Variants in STK32B observed in about 807,000 individuals in gnomAD.
STK32B encodes serine/threonine kinase 32B.
A neutral mutation model predicts 52.6 loss-of-function variants in STK32B; 43 were observed. The ratio of observed to expected loss-of-function variants is 0.82; its 90% CI spans 0.64 to 1.05. The LOEUF (loss-of-function observed/expected upper bound fraction) is 1.05, where lower values mean the gene tolerates loss of function less well. Among genes scored for constraint, STK32B ranks in the 50% least tolerant of loss-of-function variants. The pLI is 0.00. For missense variants in STK32B, 621 were observed against 534.6 expected (o/e 1.16, Z -1.59); for synonymous variants, 238 against 204.3 (o/e 1.17, Z -1.41).
At chr4:5,213,839 T>C (rs1352539226) in intron 3 of STK32B, among the ~76,000 whole-genome samples, 1 of 152,198 alleles carries the variant, frequency 6.6e-6, no homozygotes, top group Non-Finnish European at 1.5e-5. Context: ...TACTTTATGG[T>C]GACTTTTGGT....
At chr4:5,404,703 C>A (rs1414972427) in intron 5 of STK32B, among the ~76,000 whole-genome samples, 1 of 151,770 alleles carries the variant, frequency 6.6e-6, no homozygotes, top group African/African-American at 2.4e-5. Context: ...TCGCTCCGGG[C>A]CCATAACACT....
intron 2 of STK32B, among the ~76,000 whole-genome samples, chr4:5,147,511 G>A (rs1167483797): frequency 6.6e-6 from 1 of 151,914 alleles, no homozygotes; most frequent in East Asian, 1.9e-4. Flanking sequence ...TTAATTTTAG[G>A]GGAAAAAGTG....
At position 5,401,640 on chromosome 4, in the gene STK32B, A is replaced by G. The variant is rs144019064; in HGVS notation, c.472+3396A>G. On this transcript the variant is annotated intron_variant, in intron 5 of 11. Coordinates refer to ENST00000282908, the MANE Select transcript of STK32B (RefSeq NM_018401.3). ...ACGCATTGAGGTAAAATAGAGTGAA[A>G]GAAGATACAGCATCTCAGAACAAGG... Among the ~76,000 whole-genome samples the G allele has an allele frequency of 3.9e-5, 6 of 152,354 alleles. No individual in the cohort carries two copies. In the East Asian group the frequency reaches 1.2e-3, roughly 29 times the overall value.
chr4:5,468,679 G>C (rs1717623900), intron 11 of STK32B, among the ~76,000 whole-genome samples: 1 of 152,310 alleles, frequency 6.6e-6, no homozygotes, highest in South Asian at 2.1e-4. Flanking sequence ...GGAGGGGCTA[G>C]GTGGGGTGTG....
chr4:5,333,256 G>T (rs938506488), intron 4 of STK32B, among the ~76,000 whole-genome samples: 1 of 151,860 alleles, frequency 6.6e-6, no homozygotes, highest in African/African-American at 2.4e-5. Context: ...GTGATGGTGA[G>T]CATTTGGCTG....
In STK32B at chr4:5,465,792, CCTT is replaced by C. The variant is rs564072626; in HGVS notation, c.910-907_910-905del. ...CCTCAAGGCTGTGCCTCGCCTCTCT[CCTT>C]CTTGGCCAGGTCACAGCAGGCCCAG... is the stretch of plus-strand genomic sequence containing the variant. On this transcript the variant is annotated intron_variant, in intron 9 of 11. Transcript: ENST00000282908. 2.2e-3 allele frequency among the ~76,000 whole-genome samples: 338 copies of C among 152,302 alleles called. 2 individuals carry two copies. Among genetic ancestry groups the C allele is most frequent in the Non-Finnish European group, 1.6e-3 (110 of 68,026 alleles).
chr4:5,102,803 A>C, intron 1 of STK32B, among the ~76,000 whole-genome samples: 3 of 144,082 alleles, frequency 2.1e-5, no homozygotes, highest in South Asian at 2.4e-4. Context: ...TCAGCCTCCC[A>C]AAGTGCTGGG....
intron 3 of STK32B, among the ~76,000 whole-genome samples, chr4:5,296,382 A>G (rs1370566200): frequency 6.6e-6 from 1 of 152,102 alleles, no homozygotes; most frequent in East Asian, 1.9e-4. Flanking sequence ...TTCCACTGTT[A>G]TTGTGTGGGA....
intron 5 of STK32B, 130 bp from the exon 6 acceptor site, chr4:5,416,715 A>G (rs1436755499): frequency 3.1e-6 from 2 of 640,304 alleles, no homozygotes; most frequent in African/African-American, 1.8e-5. Context: ...TTAAAGTATC[A>G]GATACGATAG....
chr4:5,496,078 A>G (rs376153291), intron 11 of STK32B, among the ~76,000 whole-genome samples: 19 of 152,332 alleles, frequency 1.2e-4, no homozygotes, highest in East Asian at 7.7e-4. Context: ...CTCCAGCTGC[A>G]TGCTGGGAGA....
In STK32B at chr4:5,469,045, C is replaced by A. The variant is rs539525757; in HGVS notation, c.1106+975C>A. Among the ~76,000 whole-genome samples, 45 of 125,592 alleles carry A rather than the reference C, an allele frequency of 3.6e-4. No homozygotes were observed. Among genetic ancestry groups the A allele is most frequent in the African/African-American group, 1.4e-3 (43 of 31,058 alleles). 82.4% of individuals were successfully genotyped at this position (125,592 alleles called of 152,430 possible). A position where few individuals can be genotyped will look rare whatever the true frequency, so the allele number is the denominator to read the frequency against. On this transcript the variant is annotated intron_variant, in intron 11 of 11. Transcript: ENST00000282908. The surrounding 1 kb of genome is among the most constrained non-coding windows in gnomAD (Gnocchi z 4.7). ...CAGCCTGGGCGACAGAGCAAGACTC[C>A]GTCTCAAAAAAAAAAAAAAAAATTA... is the stretch of plus-strand genomic sequence containing the variant.
chr4:5,205,737 T>C (rs1378368809), intron 3 of STK32B, among the ~76,000 whole-genome samples: 2 of 151,190 alleles, frequency 1.3e-5, no homozygotes, highest in Non-Finnish European at 1.5e-5. Context: ...TGTGTGCATT[T>C]AGGATTGTTT....
chr4:5,168,476 C>T (rs1357898163), intron 3 of STK32B, 26 bp downstream of exon 3: 2 of 1,598,242 alleles, frequency 1.3e-6, no homozygotes, highest in Admixed American at 1.7e-5. Context: ...TCCAGGGCTC[C>T]TGTGGGTTCC....
rs543325340 is a variant in STK32B, at chr4:5,094,418, C to T, written c.52+42503C>T. On this transcript the variant is annotated intron_variant, in intron 1 of 11. Transcript: ENST00000282908. ...CTGTAATCCTAGCATTTTGAGAGGC[C>T]TAGGTGGGAGGATTGTTTGAGCCCA... Among the ~76,000 whole-genome samples, 17 of 152,184 alleles carry T rather than the reference C, an allele frequency of 1.1e-4. No individual in the cohort carries two copies. The South Asian group carries it at 2.5e-3, about 22-fold the overall frequency.
intron 3 of STK32B, among the ~76,000 whole-genome samples, chr4:5,245,309 A>G (rs1725358128): frequency 6.6e-6 from 1 of 152,164 alleles, no homozygotes; most frequent in African/African-American, 2.4e-5. Context: ...TTCGTGTTGA[A>G]TTGATCCCTT....
rs1719765011 is a variant in STK32B, at chr4:5,491,893, A to T, written c.1107-7052A>T. 6.6e-5 allele frequency among the ~76,000 whole-genome samples: 10 copies of T among 152,252 alleles called. No individual in the cohort carries two copies. In the South Asian group the frequency reaches 2.1e-3, roughly 32 times the overall value. ...TGTCAAAGATCAGATGGTTGTAGAT[A>T]TGCGGAGTTATTTCTGAGGGCTCTG... is the stretch of plus-strand genomic sequence containing the variant. On this transcript the variant is annotated intron_variant, in intron 11 of 11. Coordinates refer to ENST00000282908, the MANE Select transcript of STK32B (RefSeq NM_018401.3).
intron 6 of STK32B, among the ~76,000 whole-genome samples, chr4:5,421,696 G>T (rs903769837): frequency 2.6e-5 from 4 of 152,214 alleles, no homozygotes; most frequent in Non-Finnish European, 4.4e-5. Flanking sequence ...GGAAAGCAGA[G>T]CCATGGGGAC....
rs533292144 is a variant in STK32B, at chr4:5,095,171, A to G, written c.52+43256A>G. 1.2e-3 allele frequency among the ~76,000 whole-genome samples: 183 copies of G among 152,212 alleles called. 3 individuals are homozygous for G. The highest frequency in any genetic ancestry group is 4.1e-3 in the African/African-American group (169 of 41,508). On this transcript the variant is annotated intron_variant, in intron 1 of 11. Coordinates refer to ENST00000282908, the MANE Select transcript of STK32B (RefSeq NM_018401.3). ...GGGACATTTTCGTGAGGATTTATTTATGGCTGGGGTTCAGGTTCAGGTGGG... is the reference window on the plus strand; with the variant it reads ...GGGACATTTTCGTGAGGATTTATTTGTGGCTGGGGTTCAGGTTCAGGTGGG...
chr4:5,166,274 C>T (rs1718864503), intron 2 of STK32B, among the ~76,000 whole-genome samples: 1 of 151,532 alleles, frequency 6.6e-6, no homozygotes, highest in Non-Finnish European at 1.5e-5. Flanking sequence ...AGGCAGAGAG[C>T]CTGGGTTTGA....
Sources: gnomAD v4.1 joint callset for allele counts (sites outside exome capture counted in the v4.1 genomes callset) on GRCh38, gnomAD v4.1.1 for gene constraint, Gnocchi (gnomAD v3.1) non-coding constraint, MANE v1.5 for transcripts, NCBI Gene and HGNC (gene_info 2026-07-23, HGNC 2026-07-21) for gene names.